Variants in ADAMTS18 observed in about 807,000 individuals in gnomAD.
ADAMTS18 encodes ADAM metallopeptidase with thrombospondin type 1 motif 18, also known as A disintegrin and metalloproteinase with thrombospondin motifs 18.
ADAMTS18 carries 157 observed loss-of-function variants against 165.9 expected under a neutral mutation model. That is an observed-to-expected ratio of 0.95 (90% CI 0.83 to 1.08). The LOEUF is 1.08. Among genes scored for constraint, ADAMTS18 ranks in the 50% least tolerant of loss-of-function variants. The pLI, the probability that ADAMTS18 is intolerant of heterozygous loss-of-function variation, is 0.00. For missense variants in ADAMTS18, 2,040 were observed against 1,534.0 expected, an observed-to-expected ratio of 1.33 and a Z score of -5.51; for synonymous variants, 782 against 578.2, an observed-to-expected ratio of 1.35 and a Z score of -5.06.
In ADAMTS18 at chr16:77,434,737, C is replaced by A; in HGVS notation, c.-42G>T. 2 of 1,389,944 alleles carry A rather than the reference C, an allele frequency of 1.4e-6. No individual in the cohort carries two copies. The highest frequency in any genetic ancestry group is 1.9e-6 in the Non-Finnish European group (2 of 1,070,296). The allele number at this position is 1,389,944 out of a possible 1,614,324, so 86.1% of individuals were successfully genotyped here. On this transcript the variant is annotated 5_prime_UTR_variant, in exon 1 of 23. Coordinates refer to ENST00000282849, the MANE Select transcript of ADAMTS18 (RefSeq NM_199355.4). ...GGCGGCTGCGGGTGGCCAGACGCGG[C>A]AGGCGGAGCGCACGGGCGGCGCGCA...
At chr16:77,383,520 G>A (rs1367117163) in intron 3 of ADAMTS18, among the ~76,000 whole-genome samples, 1 of 151,150 alleles carries the variant, frequency 6.6e-6, no homozygotes, top group Non-Finnish European at 1.5e-5. Flanking sequence ...ACTTCATGTA[G>A]GTTTTTGTCC....
chr16:77,317,959 T>C (rs559062386), intron 16 of ADAMTS18, among the ~76,000 whole-genome samples: 7 of 152,310 alleles, frequency 4.6e-5, no homozygotes, highest in Middle Eastern at 3.4e-3. Flanking sequence ...CCTGAGATGA[T>C]TGAGGACACA....
chr16:77,299,344 T>C lies in ADAMTS18; in HGVS notation c.2674+919A>G, dbSNP rs117645381. Among the ~76,000 whole-genome samples, 481 of 152,384 alleles carry C rather than the reference T, an allele frequency of 3.2e-3. 11 individuals are homozygous for C. The East Asian group carries it at 0.037, about 12-fold the overall frequency. On this transcript the variant is annotated intron_variant, in intron 17 of 22. Coordinates refer to ENST00000282849, the MANE Select transcript of ADAMTS18 (RefSeq NM_199355.4). ...CCATTGCTTTTAAAATGGGTATTACTAGAAAATGTATTACCTTTTAATTAT... is the reference window on the plus strand; with the variant it reads ...CCATTGCTTTTAAAATGGGTATTACCAGAAAATGTATTACCTTTTAATTAT...
At chr16:77,314,437 A>G (rs148462390) in intron 16 of ADAMTS18, among the ~76,000 whole-genome samples, 1 of 151,610 alleles carries the variant, frequency 6.6e-6, no homozygotes, top group Admixed American at 6.6e-5. Context: ...GTGAAACCCC[A>G]TCTCTACTAA....
chr16:77,430,664 T>A (rs1365402007), intron 3 of ADAMTS18, among the ~76,000 whole-genome samples: 2 of 152,220 alleles, frequency 1.3e-5, no homozygotes, highest in African/African-American at 4.8e-5. Context: ...CTGATATTCT[T>A]GGCCTGGTGC....
intron 12 of ADAMTS18, among the ~76,000 whole-genome samples, chr16:77,331,917 C>A (rs2056195764): frequency 6.6e-6 from 1 of 152,338 alleles, no homozygotes; most frequent in African/African-American, 2.4e-5. Flanking sequence ...CTAACTCAGA[C>A]TGCTGACTCA....
intron 3 of ADAMTS18, among the ~76,000 whole-genome samples, chr16:77,427,992 A>T (rs1221911097): frequency 6.6e-6 from 1 of 152,224 alleles, no homozygotes; most frequent in Non-Finnish European, 1.5e-5. Flanking sequence ...TCTCTAGCAG[A>T]CAAGATAATG....
chr16:77,391,670 C>A (rs1029426106), intron 3 of ADAMTS18, among the ~76,000 whole-genome samples: 2 of 152,028 alleles, frequency 1.3e-5, no homozygotes, highest in African/African-American at 4.8e-5. Context: ...TTGTAAATAA[C>A]CTATAATCTG....
intron 16 of ADAMTS18, among the ~76,000 whole-genome samples, chr16:77,308,452 C>G (rs118009288): frequency 6.6e-6 from 1 of 150,392 alleles, no homozygotes; most frequent in South Asian, 2.1e-4. Context: ...GACAAAGAGA[C>G]AGAGAAAGAT....
At chr16:77,311,039 G>A (rs2055770107) in intron 16 of ADAMTS18, among the ~76,000 whole-genome samples, 1 of 152,038 alleles carries the variant, frequency 6.6e-6, no homozygotes, top group Admixed American at 6.6e-5. Flanking sequence ...TACACATGAA[G>A]GCAGATGAAA....
At chr16:77,346,048 A>G (rs1378136968) in intron 10 of ADAMTS18, among the ~76,000 whole-genome samples, 1 of 152,130 alleles carries the variant, frequency 6.6e-6, no homozygotes, top group Non-Finnish European at 1.5e-5. Flanking sequence ...TTTTGCTCCC[A>G]AAGCGGGTCT....
chr16:77,367,822 G>C (rs2056821247), intron 3 of ADAMTS18, 99 bp from the exon 4 acceptor site: 2 of 1,367,090 alleles, frequency 1.5e-6, no homozygotes, highest in Admixed American at 3.4e-5. Flanking sequence ...CTGTATGTGG[G>C]CACAGGAGCT....
chr16:77,408,442 A>G (rs1396140746), intron 3 of ADAMTS18, among the ~76,000 whole-genome samples: 1 of 152,172 alleles, frequency 6.6e-6, no homozygotes, highest in East Asian at 1.9e-4. Context: ...CCCAAACCAG[A>G]AACAACCCAA....
rs548624725 is a variant in ADAMTS18 at position 77,368,309 on chromosome 16, A to C, written c.496-586T>G. Among the ~76,000 whole-genome samples the C allele has an allele frequency of 3.0e-4, 46 of 152,296 alleles. No individual in the cohort carries two copies. In the South Asian group the frequency reaches 3.1e-3, roughly 10 times the overall value. On this transcript the variant is annotated intron_variant, in intron 3 of 22. Transcript: ENST00000282849. Reference sequence around the variant, plus strand: ...CCTGATGTTTGTGCCTGAAGGGCTGAGCCATGGACATTCTGCTGCATTGCA... The same window carrying C: ...CCTGATGTTTGTGCCTGAAGGGCTGCGCCATGGACATTCTGCTGCATTGCA...
At position 77,289,224 on chromosome 16, in the gene ADAMTS18, A is replaced by C. The variant is rs1194774045; in HGVS notation, c.3550+40T>G. 3 of 1,612,266 alleles carry C rather than the reference A, an allele frequency of 1.9e-6. No individual in the cohort carries two copies. The African/African-American group carries it at 4.0e-5, about 22-fold the overall frequency. On this transcript the variant is annotated intron_variant, in intron 22 of 22. Coordinates refer to ENST00000282849, the MANE Select transcript of ADAMTS18 (RefSeq NM_199355.4). ...AAAGTAGCCTTTGAAAAAATTATCT[A>C]AAGACTAGTAAAGTTGACTGGAGCA...
intron 3 of ADAMTS18, among the ~76,000 whole-genome samples, chr16:77,430,068 C>T (rs1256438272): frequency 6.6e-6 from 1 of 152,078 alleles, no homozygotes; most frequent in Non-Finnish European, 1.5e-5. Context: ...GTGTAAACTC[C>T]TCCTTTAGGA....
In ADAMTS18 at chr16:77,291,249, A is replaced by C; in HGVS notation, c.3402+17T>G. 6.2e-7 allele frequency: 1 copy of C among 1,613,372 alleles called. No homozygotes were observed. Among genetic ancestry groups the C allele is most frequent in the Non-Finnish European group, 8.5e-7 (1 of 1,179,908 alleles). ...ATCTCACTTGAATAGACACCTCCTCAATCGGCCTGTACCCACCTGCTGCCA... is the reference window on the plus strand; with the variant it reads ...ATCTCACTTGAATAGACACCTCCTCCATCGGCCTGTACCCACCTGCTGCCA... On this transcript the variant is annotated intron_variant, in intron 21 of 22. Transcript: ENST00000282849.
intron 11 of ADAMTS18, among the ~76,000 whole-genome samples, chr16:77,338,531 C>G (rs1024326136): frequency 1.3e-5 from 2 of 152,024 alleles, no homozygotes; most frequent in African/African-American, 4.8e-5. Context: ...GCCACCACGT[C>G]CAGGCCCAGC....
chr16:77,330,938 A>G (rs1365134731), intron 12 of ADAMTS18, among the ~76,000 whole-genome samples: 1 of 152,238 alleles, frequency 6.6e-6, no homozygotes, highest in African/African-American at 2.4e-5. Context: ...GGGAGAAAAA[A>G]CAGCATTACT....
Sources: allele counts gnomAD v4.1 joint callset (sites outside exome capture counted in the v4.1 genomes callset), GRCh38; gene constraint gnomAD v4.1.1; transcripts MANE v1.5; gene names NCBI Gene and HGNC (gene_info 2026-07-23, HGNC 2026-07-21).